Variants in PIK3C2G observed in about 807,000 individuals in gnomAD.
The protein encoded by PIK3C2G is phosphatidylinositol-4-phosphate 3-kinase catalytic subunit type 2 gamma, also known as phosphatidylinositol 3-kinase C2 domain-containing subunit gamma.
PIK3C2G carries 168 observed loss-of-function variants against 181.1 expected under a neutral mutation model. The ratio of observed to expected loss-of-function variants is 0.93; its 90% CI spans 0.82 to 1.05. The LOEUF (loss-of-function observed/expected upper bound fraction) is 1.05, where lower values mean the gene tolerates loss of function less well. Among genes scored for constraint, PIK3C2G ranks in the 50% least tolerant of loss-of-function variants. The pLI is 0.00. For missense variants in PIK3C2G, 1,869 were observed against 1,732.8 expected (o/e 1.08, Z -1.40); for synonymous variants, 573 against 592.2 (o/e 0.97, Z 0.47).
In PIK3C2G at chr12:18,538,200, T is replaced by C. The variant is rs1397883024; in HGVS notation, c.3368T>C (p.Ile1123Thr). The C allele has an allele frequency of 6.2e-7, 1 of 1,612,306 alleles. No homozygotes were observed. The highest frequency in any genetic ancestry group is 8.5e-7 in the Non-Finnish European group (1 of 1,179,010). The change falls in exon 25 of 33, where the codon ATT (isoleucine) becomes ACT (threonine). Residue 1123 changes from isoleucine (I) to threonine (T), a missense_variant. Physicochemically the swap from Ile to Thr is moderately conservative, Grantham distance 89. Transcript: ENST00000538779. ...FIFTSEMEYF[I>T]TEGGKNPQHF... ...TTTACTTCAGAGATGGAATACTTTA[T>C]TACAGAGGGTGGGAAAAACCCACAG...
chr12:18,596,219 C>G (rs936148471), intron 30 of PIK3C2G, among the ~76,000 whole-genome samples: 2 of 151,886 alleles, frequency 1.3e-5, no homozygotes, highest in Non-Finnish European at 2.9e-5. Flanking sequence ...CGTGCTATTC[C>G]TCCCAAACTG....
At chr12:18,326,958 A>G (rs1951372199) in intron 8 of PIK3C2G, among the ~76,000 whole-genome samples, 2 of 152,086 alleles carry the variant, frequency 1.3e-5, no homozygotes, top group Admixed American at 6.5e-5. Context: ...AACAGTTCTT[A>G]ATTTCCAAAT....
chr12:18,320,300 A>G (rs1224464402), intron 6 of PIK3C2G, among the ~76,000 whole-genome samples: 2 of 152,056 alleles, frequency 1.3e-5, no homozygotes, highest in Non-Finnish European at 2.9e-5. Flanking sequence ...GTTGCAGGAG[A>G]GCTGGTCAAG....
chr12:18,688,298 T>A, the PIK3C2G span: 1 of 1,428,210 alleles, frequency 7.0e-7, no homozygotes, highest in South Asian at 1.3e-5. Flanking sequence ...AAGTTATGTA[T>A]TACAAAAAGT....
intron 6 of PIK3C2G, among the ~76,000 whole-genome samples, chr12:18,317,490 A>T (rs1950920692): frequency 6.6e-6 from 1 of 152,220 alleles, no homozygotes; most frequent in African/African-American, 2.4e-5. Flanking sequence ...TGCCGTTCAT[A>T]GTACTTGCCT....
At chr12:18,312,188 T>G (rs1192881813) in intron 5 of PIK3C2G, among the ~76,000 whole-genome samples, 1 of 152,150 alleles carries the variant, frequency 6.6e-6, no homozygotes, top group Non-Finnish European at 1.5e-5. Context: ...AACAATGCTT[T>G]GCATCCTCCG....
chr12:18,298,212 A>C (rs1591863811), intron 5 of PIK3C2G, among the ~76,000 whole-genome samples: 1 of 151,860 alleles, frequency 6.6e-6, no homozygotes, highest in Admixed American at 6.6e-5. Context: ...TATTTTTATA[A>C]CAGCCATTCT....
At chr12:18,555,166 T>C (rs1255217250) in intron 26 of PIK3C2G, among the ~76,000 whole-genome samples, 1 of 152,128 alleles carries the variant, frequency 6.6e-6, no homozygotes, top group Non-Finnish European at 1.5e-5. Context: ...AACTGCCAAA[T>C]ATATGAACAA....
intron 26 of PIK3C2G, among the ~76,000 whole-genome samples, chr12:18,561,059 A>C (rs371219922): frequency 8.5e-5 from 13 of 152,374 alleles, no homozygotes; most frequent in African/African-American, 3.1e-4. Context: ...TAAAGGCCAC[A>C]GACCAACTGT....
the PIK3C2G span, among the ~76,000 whole-genome samples, chr12:18,699,050 T>C: frequency 6.6e-6 from 1 of 152,138 alleles, no homozygotes. Flanking sequence ...ATTCTCTTTC[T>C]CAGGCCCCGT....
At chr12:18,464,976 T>C (rs936178861) in intron 18 of PIK3C2G, among the ~76,000 whole-genome samples, 4 of 152,024 alleles carry the variant, frequency 2.6e-5, no homozygotes, top group African/African-American at 9.7e-5. Flanking sequence ...TTAAAGGATT[T>C]TTTATTCCAT....
In PIK3C2G at chr12:18,562,738, A is replaced by C. The variant is rs756443729; in HGVS notation, c.3626A>C (p.Lys1209Thr). 2 of 1,605,184 alleles carry C rather than the reference A, an allele frequency of 1.2e-6. No individual in the cohort carries two copies. Among genetic ancestry groups the C allele is most frequent in the Non-Finnish European group, 1.7e-6 (2 of 1,174,966 alleles). ...IKESLECFPVKLNNLIHTLAQ... is the reference protein window; with the variant it reads ...IKESLECFPVTLNNLIHTLAQ... ...GAAAGTCTGGAGTGTTTCCCTGTTAAATTGAATAACTTGATCCACACACTT... is the reference window on the plus strand; with the variant it reads ...GAAAGTCTGGAGTGTTTCCCTGTTACATTGAATAACTTGATCCACACACTT... Residue 1209 changes from lysine to threonine, a missense_variant, in exon 27 of 33, where the codon AAA becomes ACA. Coordinates refer to ENST00000538779, the MANE Select transcript of PIK3C2G (RefSeq NM_001288772.2).
At chr12:18,255,917 G>A (rs142712659) in intron 1 of PIK3C2G, among the ~76,000 whole-genome samples, 14 of 151,780 alleles carry the variant, frequency 9.2e-5, no homozygotes, top group Admixed American at 2.6e-4. Flanking sequence ...CATGATTATC[G>A]AGGAAGAATT....
the PIK3C2G span, among the ~76,000 whole-genome samples, chr12:18,655,054 T>TAA: frequency 0.2 from 30,587 of 151,084 alleles, 3,243 homozygotes; most frequent in African/African-American, 0.23. Flanking sequence ...GAAACAATAA[T>TAA]AAAAAAAAAT....
rs12306926 is a variant in PIK3C2G, at chr12:18,310,918, A to G, written c.1035-3044A>G. Among the ~76,000 whole-genome samples, 886 of 152,154 alleles carry G rather than the reference A, an allele frequency of 5.8e-3. 5 individuals carry two copies. The highest frequency in any genetic ancestry group is 0.02 in the African/African-American group (847 of 41,578). ...AGGCTAGAGACATGACTAAAATAAG[A>G]TAGTCTCATTCATAACAGAAATACG... On this transcript the variant is annotated intron_variant, in intron 5 of 32. Transcript: ENST00000538779.
At chr12:18,401,863 G>A (rs1215119892) in intron 16 of PIK3C2G, among the ~76,000 whole-genome samples, 1 of 151,918 alleles carries the variant, frequency 6.6e-6, no homozygotes, top group African/African-American at 2.4e-5. Context: ...ATACAAAAAG[G>A]ACAAAAAATA....
the PIK3C2G span, among the ~76,000 whole-genome samples, chr12:18,660,171 C>T: frequency 2.0e-5 from 3 of 152,100 alleles, no homozygotes; most frequent in Non-Finnish European, 4.4e-5. Context: ...AATTTCAGTA[C>T]ATTTAGGTCA....
the PIK3C2G span, among the ~76,000 whole-genome samples, chr12:18,724,522 A>C: frequency 6.6e-6 from 1 of 152,154 alleles, no homozygotes; most frequent in Non-Finnish European, 1.5e-5. Context: ...TGCAAGAAGC[A>C]TGTGTTGAAG....
chr12:18,482,624 C>G (rs1371341299), intron 18 of PIK3C2G, among the ~76,000 whole-genome samples: 1 of 152,146 alleles, frequency 6.6e-6, no homozygotes, highest in Non-Finnish European at 1.5e-5. Flanking sequence ...TTTGCCCCCC[C>G]TTTTCTCCAT....
Sources: gnomAD v4.1 joint callset for allele counts (sites outside exome capture counted in the v4.1 genomes callset) on GRCh38, gnomAD v4.1.1 for gene constraint, MANE v1.5 for transcripts, NCBI Gene and HGNC (gene_info 2026-07-23, HGNC 2026-07-21) for gene names.